The following PRSS35 variants were observed in gnomAD, a reference collection of about 807,000 sequenced individuals.
The protein encoded by PRSS35 is inactive serine protease 35.
Under a neutral mutation model 8.1 loss-of-function variants are expected in PRSS35, and 7 were observed. That is an observed-to-expected ratio of 0.86 (90% confidence interval 0.49 to 1.62). The LOEUF (loss-of-function observed/expected upper bound fraction) is 1.62. Ranked by LOEUF, PRSS35 falls within the 40% of genes most tolerant of loss-of-function variation. The pLI is 0.00. For missense variants in PRSS35, 566 were observed against 518.0 expected (o/e 1.09, Z -0.90); for synonymous variants, 199 against 188.7 (o/e 1.05, Z -0.45).
At chr6:83,515,310 T>C (rs1771691622) in intron 1 of PRSS35, among the ~76,000 whole-genome samples, 1 of 152,212 alleles carries the variant, frequency 6.6e-6, no homozygotes, top group African/African-American at 2.4e-5. Flanking sequence ...ATTTGTTGAA[T>C]AGACAAATTT....
chr6:83,524,679 G>C lies in PRSS35; in HGVS notation c.1238G>C (p.Gly413Ala), dbSNP rs150074323. ...GGGAACGATGCCAATTGTGCTTACG[G>C]CTAACAGAGACCTGAAACAGGGCGG... Reference protein sequence around the residue: ...IHGNDANCAYG With the variant: ...IHGNDANCAYA The change falls in exon 2 of 2, where the codon GGC (glycine) becomes GCC (alanine). Residue 413 changes from glycine (G) to alanine (A), a missense_variant. Coordinates refer to ENST00000369700, the MANE Select transcript of PRSS35 (RefSeq NM_153362.3). 844 of 1,601,442 alleles carry C rather than the reference G, an allele frequency of 5.3e-4. 2 individuals are homozygous for C. The African/African-American group carries it at 9.6e-3, about 18-fold the overall frequency.
At chr6:83,523,333 G>C (rs757295566) in intron 1 of PRSS35, 89 bp from the exon 2 acceptor site, 64 of 960,606 alleles carry the variant, frequency 6.7e-5, no homozygotes, top group Non-Finnish European at 9.8e-5. Flanking sequence ...TGTGGTGAAG[G>C]TACATTTAGG....
At chr6:83,514,975 A>G (rs998900580) in intron 1 of PRSS35, among the ~76,000 whole-genome samples, 3 of 152,230 alleles carry the variant, frequency 2.0e-5, no homozygotes, top group South Asian at 2.1e-4. Flanking sequence ...ACATGCTTTT[A>G]AAATAAAATC....
In PRSS35 at chr6:83,523,813, G is replaced by A. The variant is rs768916074; in HGVS notation, c.372G>A (p.Val124=). Residue 124 remains valine, a synonymous_variant, in exon 2 of 2, where the codon GTG becomes GTA. Transcript: ENST00000369700. The stretch of plus-strand genomic sequence containing the variant: ...TATCTGTTAGGAGAAAGAGACAGGT[G>A]TATGGCACCGACAGCAGGTTCAGCA... ...KGVSVRRKRQ[V]YGTDSRFSIL... 13 of 1,614,062 alleles carry A rather than the reference G, an allele frequency of 8.1e-6. No individual in the cohort carries two copies. The highest frequency in any genetic ancestry group is 1.1e-5 in the Non-Finnish European group (13 of 1,180,048).
At chr6:83,513,535 T>C (rs2040382478) in intron 1 of PRSS35, among the ~76,000 whole-genome samples, 1 of 152,212 alleles carries the variant, frequency 6.6e-6, no homozygotes, top group Non-Finnish European at 1.5e-5. Flanking sequence ...AAGTCATATT[T>C]TGCTGGCTGG....
At chr6:83,512,883 A>T (rs966454835) in intron 1 of PRSS35, among the ~76,000 whole-genome samples, 189 bp downstream of exon 1, 3 of 152,234 alleles carry the variant, frequency 2.0e-5, no homozygotes, top group African/African-American at 7.2e-5. Flanking sequence ...GCCTCTGCAC[A>T]GTTTAATATT....
At chr6:83,521,313 C>G (rs1023502069) in intron 1 of PRSS35, among the ~76,000 whole-genome samples, 1 of 151,566 alleles carries the variant, frequency 6.6e-6, no homozygotes, top group African/African-American at 2.4e-5. Flanking sequence ...CTTTTTCATT[C>G]TAATTAAATA....
At chr6:83,518,031 G>A (rs951144223) in intron 1 of PRSS35, among the ~76,000 whole-genome samples, 3 of 152,218 alleles carry the variant, frequency 2.0e-5, no homozygotes, top group Non-Finnish European at 2.9e-5. Context: ...AAAGGCATAA[G>A]TAATTGTGAA....
intron 1 of PRSS35, among the ~76,000 whole-genome samples, chr6:83,516,269 T>C (rs950575042): frequency 1.3e-5 from 2 of 152,100 alleles, no homozygotes; most frequent in African/African-American, 4.8e-5. Flanking sequence ...CTTATGCATC[T>C]GGAGATCAGA....
chr6:83,520,540 A>G (rs1005536262), intron 1 of PRSS35, among the ~76,000 whole-genome samples: 1 of 152,152 alleles, frequency 6.6e-6, no homozygotes, highest in Non-Finnish European at 1.5e-5. Flanking sequence ...ATGGGCTCTC[A>G]ACCACCGTTC....
At position 83,524,599 on chromosome 6, in the gene PRSS35, C is replaced by G; in HGVS notation, c.1158C>G (p.Asn386Lys). Residue 386 changes from asparagine to lysine, a missense_variant, in exon 2 of 2, where the codon AAC (asparagine) becomes AAG (lysine). Transcript: ENST00000369700. ...TCCACGGGGTTCAGAAGGACTACAA[C>G]GTTGCTGTTCGCATCACTCCCCTAA... ...VDVHGVQKDYNVAVRITPLKY... is the reference protein window; with the variant it reads ...VDVHGVQKDYKVAVRITPLKY... 1 of 1,614,178 alleles carries G rather than the reference C, an allele frequency of 6.2e-7. No homozygotes were observed. Among genetic ancestry groups the G allele is most frequent in the East Asian group, 2.2e-5 (1 of 44,874 alleles).
intron 1 of PRSS35, among the ~76,000 whole-genome samples, chr6:83,520,363 A>G (rs1010594956): frequency 6.6e-6 from 1 of 152,152 alleles, no homozygotes; most frequent in Non-Finnish European, 1.5e-5. Context: ...CCTAGCTGGG[A>G]GTCACTCTCC....
chr6:83,520,481 C>A (rs1771801098), intron 1 of PRSS35, among the ~76,000 whole-genome samples: 1 of 151,960 alleles, frequency 6.6e-6, no homozygotes, highest in South Asian at 2.1e-4. Context: ...TAGGGACTGT[C>A]CTTTGAGAAC....
chr6:83,521,827 G>T (rs192010749), intron 1 of PRSS35, among the ~76,000 whole-genome samples: 13 of 151,850 alleles, frequency 8.6e-5, no homozygotes, highest in Admixed American at 7.2e-4. Context: ...AATGTATAAT[G>T]GTTCAAATTA....
At chr6:83,519,903 A>G (rs1319587381) in intron 1 of PRSS35, among the ~76,000 whole-genome samples, 2 of 152,160 alleles carry the variant, frequency 1.3e-5, no homozygotes, top group Admixed American at 6.5e-5. Flanking sequence ...AACCTTATGA[A>G]CTTCACTTTT....
intron 1 of PRSS35, among the ~76,000 whole-genome samples, chr6:83,513,776 G>A (rs74874871): frequency 0.017 from 2,633 of 151,930 alleles, 77 homozygotes; most frequent in African/African-American, 0.06. Context: ...GCTTTTTCAC[G>A]TTTTAAAATG....
chr6:83,514,143 T>C (rs1322917102), intron 1 of PRSS35, among the ~76,000 whole-genome samples: 1 of 152,200 alleles, frequency 6.6e-6, no homozygotes, highest in East Asian at 1.9e-4. Context: ...TGACCATAGA[T>C]GCTTTAAAAC....
intron 1 of PRSS35, among the ~76,000 whole-genome samples, 160 bp downstream of exon 1, chr6:83,512,854 T>C (rs1033975342): frequency 3.3e-5 from 5 of 152,190 alleles, no homozygotes; most frequent in African/African-American, 9.6e-5. Context: ...ACCCTTCCCA[T>C]AGGCAATTCT....
At chr6:83,514,095 G>T (rs192505480) in intron 1 of PRSS35, among the ~76,000 whole-genome samples, 22 of 152,262 alleles carry the variant, frequency 1.4e-4, no homozygotes, top group Non-Finnish European at 2.4e-4. Flanking sequence ...GTTAAGCTTC[G>T]TATAGGTAAA....
Sources: gnomAD v4.1 joint callset for allele counts (sites outside exome capture counted in the v4.1 genomes callset) on GRCh38, gnomAD v4.1.1 for gene constraint, MANE v1.5 for transcripts, NCBI Gene and HGNC (gene_info 2026-07-23, HGNC 2026-07-21) for gene names.